The following IYD variants were observed in gnomAD, a reference collection of about 807,000 sequenced individuals.
IYD encodes iodotyrosine deiodinase, also known as iodotyrosine deiodinase 1.
In IYD, 25 loss-of-function variants were observed where a neutral mutation model predicts 28.4. The ratio of observed to expected loss-of-function variants is 0.88; its 90% CI spans 0.64 to 1.23. IYD has a LOEUF of 1.23. Among genes scored for constraint, IYD ranks in the 50% most tolerant of loss-of-function variants. The probability of loss-of-function intolerance (pLI) is 0.00; values close to 1 mark genes in which losing one functional copy is unlikely to be tolerated. For synonymous variants in IYD, 140 were observed against 130.8 expected, an observed-to-expected ratio of 1.07 and a Z score of -0.48; for missense variants, 352 against 357.9, an observed-to-expected ratio of 0.98 and a Z score of 0.13.
chr6:150,389,696 G>T (rs1263069729), intron 2 of IYD, 153 bp downstream of exon 2: 1 of 693,394 alleles, frequency 1.4e-6, no homozygotes, highest in East Asian at 2.7e-5. Context: ...GTGAGTGCCA[G>T]AAACACAATG....
At chr6:150,379,286 C>T (rs1777561044) in intron 1 of IYD, among the ~76,000 whole-genome samples, 1 of 152,170 alleles carries the variant, frequency 6.6e-6, no homozygotes, top group African/African-American at 2.4e-5. Flanking sequence ...TCTGCACACC[C>T]CTGTCATTCT....
intron 1 of IYD, 68 bp downstream of exon 1, chr6:150,369,277 G>A: frequency 2.0e-6 from 3 of 1,490,904 alleles, no homozygotes; most frequent in Non-Finnish European, 2.8e-6. Flanking sequence ...TGAGTCAATG[G>A]CAGGGCTTAT....
rs1346981505 is a variant in IYD, at chr6:150,402,428, A to C, written c.*4191A>C. On this transcript the variant is annotated 3_prime_UTR_variant, in exon 5 of 5. Transcript: ENST00000344419. Reference sequence around the variant, plus strand: ...ATGTTATCATCCCCCTGCACCTGCAAGGAAGGAGGCCCAGATGTGTGTAGG... The same window carrying C: ...ATGTTATCATCCCCCTGCACCTGCACGGAAGGAGGCCCAGATGTGTGTAGG... 6.6e-6 allele frequency: 1 copy of C among 152,258 alleles called. No homozygotes were observed. The highest frequency in any genetic ancestry group is 1.9e-4 in the East Asian group (1 of 5,196). The allele number at this position is 152,258 out of a possible 1,614,324, so 9.4% of individuals were successfully genotyped here.
chr6:150,375,233 A>G (rs1398936060), intron 1 of IYD, among the ~76,000 whole-genome samples: 1 of 152,140 alleles, frequency 6.6e-6, no homozygotes, highest in Non-Finnish European at 1.5e-5. Flanking sequence ...GAAACCTTAA[A>G]TCCATTTCCC....
At chr6:150,395,275 T>C (rs1464035821) in intron 4 of IYD, 1 of 695,648 alleles carries the variant, frequency 1.4e-6, no homozygotes, top group African/African-American at 1.8e-5. Context: ...TAAGAGCAAG[T>C]AACCATACTT....
At chr6:150,397,978 A>G in intron 4 of IYD, 77 bp from the exon 5 acceptor site, 1 of 1,399,158 alleles carries the variant, frequency 7.1e-7, no homozygotes, top group Non-Finnish European at 1.0e-6. Flanking sequence ...AATCAGGACA[A>G]GAAGGTCCCC....
Position 150,369,100 on chromosome 6 carries a change from C to G in IYD, c.69C>G (p.Ala23=), listed in dbSNP as rs138283020. Residue 23 remains alanine (A), a synonymous_variant, in exon 1 of 5, where the codon GCC becomes GCG. Coordinates refer to ENST00000344419, the MANE Select transcript of IYD (RefSeq NM_203395.3). ...TGGTTGTGTGGATCTTTAAAAATGC[C>G]GACAGAAGCATGGAGAAAAAGAAGG... ...CILVVWIFKN[A]DRSMEKKKGE... 204 of 1,613,724 alleles carry G rather than the reference C, an allele frequency of 1.3e-4. No homozygotes were observed. The African/African-American group carries it at 2.4e-3, about 19-fold the overall frequency.
chr6:150,375,039 C>A (rs889759711), intron 1 of IYD, among the ~76,000 whole-genome samples: 2 of 152,156 alleles, frequency 1.3e-5, no homozygotes, highest in Admixed American at 6.6e-5. Context: ...TTCTGGGCAC[C>A]CTTCAGCCTT....
At chr6:150,376,142 T>C (rs935655714) in intron 1 of IYD, among the ~76,000 whole-genome samples, 4 of 152,118 alleles carry the variant, frequency 2.6e-5, no homozygotes, top group African/African-American at 7.2e-5. Flanking sequence ...ATAAGGTGTA[T>C]TACCACTCCC....
In IYD at chr6:150,369,017, G is replaced by A. The variant is rs757873268; in HGVS notation, c.-15G>A. 29 of 1,613,578 alleles carry A rather than the reference G, an allele frequency of 1.8e-5. No individual in the cohort carries two copies. The highest frequency in any genetic ancestry group is 6.7e-5 in the East Asian group (3 of 44,870). ...TGTGGGAAGTGTGCACGCCTGTGAC[G>A]TCAGACTCCAGACCATGTATTTCCT... On this transcript the variant is annotated 5_prime_UTR_variant, in exon 1 of 5. Transcript: ENST00000344419.
chr6:150,370,258 C>A (rs202113865), intron 1 of IYD, among the ~76,000 whole-genome samples: 182 of 118,960 alleles, frequency 1.5e-3, no homozygotes, highest in East Asian at 7.1e-3. Flanking sequence ...GATGTGTGTG[C>A]GCGTGCATGT....
chr6:150,376,618 TTCA>T (rs1330651940), intron 1 of IYD, among the ~76,000 whole-genome samples: 1 of 151,494 alleles, frequency 6.6e-6, no homozygotes, highest in East Asian at 1.9e-4. Flanking sequence ...ATTACATTTC[TTCA>T]TCTTCTTCTT....
At chr6:150,387,735 C>T (rs1038308661) in intron 1 of IYD, among the ~76,000 whole-genome samples, 2 of 152,032 alleles carry the variant, frequency 1.3e-5, no homozygotes, top group African/African-American at 2.4e-5. Flanking sequence ...AGTCAACCAT[C>T]CTTTTAAGTT....
In IYD at chr6:150,399,040, C is replaced by T. The variant is rs1359684576; in HGVS notation, c.*803C>T. The T allele has an allele frequency of 6.6e-6, 1 of 152,116 alleles. No homozygotes were observed. The highest frequency in any genetic ancestry group is 2.4e-5 in the African/African-American group (1 of 41,370). 9.4% of individuals were successfully genotyped at this position (152,116 alleles called of 1,614,324 possible). Reference sequence around the variant, plus strand: ...CCTGGGCAACAGAGCGAGAACCTGTCTCAAAAAAAACAAAAACAAAGTTAC... The same window carrying T: ...CCTGGGCAACAGAGCGAGAACCTGTTTCAAAAAAAACAAAAACAAAGTTAC... On this transcript the variant is annotated 3_prime_UTR_variant, in exon 5 of 5. Coordinates refer to ENST00000344419, the MANE Select transcript of IYD (RefSeq NM_203395.3).
intron 1 of IYD, among the ~76,000 whole-genome samples, chr6:150,387,899 C>G (rs867662646): frequency 6.6e-6 from 1 of 151,338 alleles, no homozygotes; most frequent in East Asian, 1.9e-4. Context: ...TTTATATAAG[C>G]TTGTCTTTTT....
At chr6:150,374,081 C>A (rs1339106) in intron 1 of IYD, among the ~76,000 whole-genome samples, 3 of 152,068 alleles carry the variant, frequency 2.0e-5, no homozygotes, top group Non-Finnish European at 4.4e-5. Flanking sequence ...TCTCAGAAGA[C>A]AAATCCTGTC....
At chr6:150,373,362 C>A (rs137905429) in intron 1 of IYD, among the ~76,000 whole-genome samples, 159 of 152,250 alleles carry the variant, frequency 1.0e-3, no homozygotes, top group African/African-American at 3.7e-3. Context: ...GCAAGCTAAC[C>A]AATCAGTGTC....
intron 1 of IYD, among the ~76,000 whole-genome samples, chr6:150,372,330 G>C (rs1392681869): frequency 7.0e-6 from 1 of 143,050 alleles, no homozygotes; most frequent in Non-Finnish European, 1.6e-5. Flanking sequence ...GGTGGGGTGG[G>C]GGGTGGTGAG....
intron 1 of IYD, among the ~76,000 whole-genome samples, chr6:150,383,071 G>A (rs627147): frequency 0.4 from 60,768 of 152,068 alleles, 13,634 homozygotes; most frequent in Non-Finnish European, 0.52. Context: ...CTAGGATATT[G>A]GTACTTATTT....
Sources: gnomAD v4.1 joint callset for allele counts (sites outside exome capture counted in the v4.1 genomes callset) on GRCh38, gnomAD v4.1.1 for gene constraint, MANE v1.5 for transcripts, NCBI Gene and HGNC (gene_info 2026-07-23, HGNC 2026-07-21) for gene names.